SHOC2: variants seen among roughly 807,000 people sequenced by gnomAD.
SHOC2 encodes the protein SHOC2 leucine rich repeat scaffold protein.
SHOC2 carries 4 observed loss-of-function variants against 50.2 expected under a neutral mutation model. The ratio of observed to expected loss-of-function variants is 0.08; its 90% CI spans 0.04 to 0.18. SHOC2 has a LOEUF of 0.18. SHOC2 is among the 10% of genes least tolerant of loss of function. The pLI is 1.00. For synonymous variants in SHOC2, 218 were observed against 244.5 expected, an observed-to-expected ratio of 0.89 and a Z score of 1.01; for missense variants, 388 against 669.6, an observed-to-expected ratio of 0.58 and a Z score of 4.64.
At chr10:110,958,479 T>C (rs1222480990) in intron 1 of SHOC2, among the ~76,000 whole-genome samples, 1 of 152,184 alleles carries the variant, frequency 6.6e-6, no homozygotes, top group Non-Finnish European at 1.5e-5. Flanking sequence ...CCCAAGATGC[T>C]AGGATTACAG....
At chr10:110,992,974 A>C (rs975618923) in intron 3 of SHOC2, among the ~76,000 whole-genome samples, 3 of 152,214 alleles carry the variant, frequency 2.0e-5, no homozygotes, top group African/African-American at 7.2e-5. Flanking sequence ...TACTAAATTA[A>C]ACTAAAGTTG....
At chr10:110,996,559 T>A (rs1848271944) in intron 3 of SHOC2, among the ~76,000 whole-genome samples, 1 of 151,192 alleles carries the variant, frequency 6.6e-6, no homozygotes, top group Non-Finnish European at 1.5e-5. Flanking sequence ...GAGGGTGGGA[T>A]TGGAGAAGGG....
At chr10:110,969,575 G>A (rs1187920552) in intron 2 of SHOC2, among the ~76,000 whole-genome samples, 1 of 152,062 alleles carries the variant, frequency 6.6e-6, no homozygotes, top group Non-Finnish European at 1.5e-5. Flanking sequence ...ACTTCATTTT[G>A]TATTTTGCTA....
intron 1 of SHOC2, among the ~76,000 whole-genome samples, chr10:110,922,418 G>A (rs1846672198): frequency 6.6e-6 from 1 of 150,738 alleles, no homozygotes; most frequent in Non-Finnish European, 1.5e-5. Context: ...AATATTTGTT[G>A]TATCATTTAA....
chr10:110,964,802 C>T lies in SHOC2; in HGVS notation c.444C>T (p.Leu148=). ...CAGAGGTGGGATGTTTAGTAAATCT[C>T]ATGACACTGGCTCTAAGTGAAAATT... ...LPAEVGCLVN[L]MTLALSENSL... The change falls in exon 2 of 9, where the codon CTC becomes CTT. Residue 148 remains leucine (L), a synonymous_variant. Coordinates refer to ENST00000369452, the MANE Select transcript of SHOC2 (RefSeq NM_007373.4). This position sits in a 1 kb window ranked among gnomAD's most constrained non-coding sequence, Gnocchi z 4.9. The T allele has an allele frequency of 6.2e-7, 1 of 1,614,072 alleles. No individual in the cohort carries two copies. The highest frequency in any genetic ancestry group is 8.5e-7 in the Non-Finnish European group (1 of 1,179,972).
chr10:110,922,859 G>A (rs1198165153), intron 1 of SHOC2, among the ~76,000 whole-genome samples: 1 of 151,976 alleles, frequency 6.6e-6, no homozygotes, highest in Non-Finnish European at 1.5e-5. Context: ...TTGGTATTTT[G>A]CTATAGATGA....
intron 1 of SHOC2, among the ~76,000 whole-genome samples, chr10:110,962,436 T>A (rs1262946276): frequency 1.3e-5 from 2 of 152,222 alleles, no homozygotes; most frequent in African/African-American, 2.4e-5. Flanking sequence ...TTTTTCTTAG[T>A]CTCTCTCCAT....
At chr10:110,950,141 A>G (rs1404488336) in intron 1 of SHOC2, among the ~76,000 whole-genome samples, 2 of 152,184 alleles carry the variant, frequency 1.3e-5, no homozygotes, top group African/African-American at 2.4e-5. Context: ...TCTTATATGT[A>G]GGAAACCCTA....
At chr10:110,956,527 A>C (rs1345169545) in intron 1 of SHOC2, among the ~76,000 whole-genome samples, 1 of 152,144 alleles carries the variant, frequency 6.6e-6, no homozygotes, top group Non-Finnish European at 1.5e-5. Context: ...ATGTCCTGTG[A>C]TACTTTGCTG....
intron 1 of SHOC2, chr10:110,936,810 C>T (rs779149731): frequency 8.5e-7 from 1 of 1,173,344 alleles, no homozygotes; most frequent in Admixed American, 1.8e-5. Flanking sequence ...ACCTCGTGAG[C>T]CAGGTGCCCC....
At chr10:110,988,005 G>T (rs1848113098) in intron 3 of SHOC2, among the ~76,000 whole-genome samples, 1 of 152,048 alleles carries the variant, frequency 6.6e-6, no homozygotes, top group Non-Finnish European at 1.5e-5. Context: ...GTTCCAGAAG[G>T]CCAAATAGTG....
chr10:110,952,317 C>G (rs1398559937), intron 1 of SHOC2, among the ~76,000 whole-genome samples: 1 of 152,282 alleles, frequency 6.6e-6, no homozygotes, highest in African/African-American at 2.4e-5. Flanking sequence ...CACCATCTTG[C>G]ATCAGAGTAA....
chr10:110,935,798 A>G (rs1846995568), intron 1 of SHOC2, among the ~76,000 whole-genome samples: 2 of 152,208 alleles, frequency 1.3e-5, no homozygotes, highest in African/African-American at 2.4e-5. Flanking sequence ...AGATATTAGC[A>G]TTCCTCAGTC....
At chr10:110,930,919 G>A (rs1052142456) in intron 1 of SHOC2, among the ~76,000 whole-genome samples, 4 of 151,998 alleles carry the variant, frequency 2.6e-5, no homozygotes, top group Non-Finnish European at 5.9e-5. Flanking sequence ...TGCATATGGT[G>A]AGTTGAAGTG....
intron 3 of SHOC2, among the ~76,000 whole-genome samples, chr10:110,988,646 T>C (rs889085397): frequency 2.6e-5 from 4 of 152,140 alleles, no homozygotes; most frequent in Non-Finnish European, 4.4e-5. Context: ...TTTTATTGAT[T>C]TTCCCTATTG....
chr10:111,004,635 T>C lies in SHOC2; in HGVS notation c.1002T>C (p.Asn334=). 6.2e-7 allele frequency: 1 copy of C among 1,613,148 alleles called. No individual in the cohort carries two copies. The highest frequency in any genetic ancestry group is 8.5e-7 in the Non-Finnish European group (1 of 1,179,084). The change falls in exon 5 of 9, where the codon AAT becomes AAC. Residue 334 remains asparagine, a synonymous_variant. Coordinates refer to ENST00000369452, the MANE Select transcript of SHOC2 (RefSeq NM_007373.4). ...TTTTATCAAGTCTTGTGAAACTGAATAGTTTGACCTTAGCTAGAAATTGCT... is the reference window on the plus strand; with the variant it reads ...TTTTATCAAGTCTTGTGAAACTGAACAGTTTGACCTTAGCTAGAAATTGCT... The part of the protein sequence containing the change: ...ESLLSSLVKL[N]SLTLARNCFQ...
rs757303783 is a variant in SHOC2, at chr10:110,964,465, A to G, written c.107A>G (p.Lys36Arg). The G allele has an allele frequency of 1.2e-6, 2 of 1,613,966 alleles. No homozygotes were observed. The highest frequency in any genetic ancestry group is 3.3e-5 in the Admixed American group (2 of 59,990). ...GCAAAAGCCTCTGGAGGTTTTGGGA[A>G]AGAGAGCAAAGAAAAAGAACCTAAG... ...KEAKASGGFGKESKEKEPKTK... is the reference protein window; with the variant it reads ...KEAKASGGFGRESKEKEPKTK... Residue 36 changes from lysine (K) to arginine (R), a missense_variant, in exon 2 of 9, where the codon AAA (lysine) becomes AGA (arginine). Coordinates refer to ENST00000369452, the MANE Select transcript of SHOC2 (RefSeq NM_007373.4). The surrounding 1 kb of genome is among the most constrained non-coding windows in gnomAD (Gnocchi z 4.9).
intron 5 of SHOC2, 40 bp from the exon 6 acceptor site, chr10:111,007,491 T>G: frequency 1.2e-6 from 2 of 1,611,568 alleles, no homozygotes; most frequent in Non-Finnish European, 1.7e-6. Flanking sequence ...AACTTTGTTT[T>G]TGTGATTCTA....
intron 2 of SHOC2, among the ~76,000 whole-genome samples, chr10:110,966,625 A>C (rs1186623939): frequency 6.6e-6 from 1 of 152,174 alleles, no homozygotes; most frequent in Non-Finnish European, 1.5e-5. Flanking sequence ...TTAAGAATAT[A>C]CATATATGTT....
Sources: allele counts gnomAD v4.1 joint callset (sites outside exome capture counted in the v4.1 genomes callset), GRCh38; gene constraint gnomAD v4.1.1; non-coding constraint Gnocchi (gnomAD v3.1); transcripts MANE v1.5; gene names NCBI Gene and HGNC (gene_info 2026-07-23, HGNC 2026-07-21).